UNC13C: variants seen among roughly 807,000 people sequenced by gnomAD.
UNC13C encodes unc-13 homolog C.
UNC13C carries 174 observed loss-of-function variants against 245.4 expected under a neutral mutation model. The observed-to-expected ratio is 0.71, with a 90% CI of 0.63 to 0.80. UNC13C has a LOEUF of 0.80. UNC13C is among the 30% of genes least tolerant of loss of function. The pLI, the probability that UNC13C is intolerant of heterozygous loss-of-function variation, is 0.00. For missense variants in UNC13C, 2,829 were observed against 2,602.9 expected, an observed-to-expected ratio of 1.09 and a Z score of -1.89; for synonymous variants, 992 against 895.1, an observed-to-expected ratio of 1.11 and a Z score of -1.93.
intron 19 of UNC13C, among the ~76,000 whole-genome samples, chr15:54,424,886 G>C (rs1439124632): frequency 1.3e-5 from 2 of 151,710 alleles, no homozygotes; most frequent in Non-Finnish European, 2.9e-5. Flanking sequence ...GCTGTGCTCT[G>C]CTCTGGTCAT....
chr15:54,488,503 G>GTGA (rs1893541002), intron 19 of UNC13C, among the ~76,000 whole-genome samples: 2 of 152,124 alleles, frequency 1.3e-5, no homozygotes, highest in African/African-American at 2.4e-5. Context: ...AAACAACACT[G>GTGA]TGATGATAGC....
intron 29 of UNC13C, among the ~76,000 whole-genome samples, chr15:54,562,049 C>T (rs1303542286): frequency 1.3e-5 from 2 of 151,884 alleles, no homozygotes; most frequent in African/African-American, 2.4e-5. Flanking sequence ...GGCTATTTTC[C>T]TAGTGCCATG....
chr15:54,243,639 T>C (rs557783312), intron 7 of UNC13C, among the ~76,000 whole-genome samples: 12 of 152,288 alleles, frequency 7.9e-5, no homozygotes, highest in African/African-American at 2.6e-4. Context: ...CCAGCATCTG[T>C]TGTTTTTTGA....
At chr15:54,009,429 T>C (rs1308884964) in intron 1 of UNC13C, among the ~76,000 whole-genome samples, 1 of 152,184 alleles carries the variant, frequency 6.6e-6, no homozygotes, top group African/African-American at 2.4e-5. Context: ...GCTCCAAAAA[T>C]TTACATGTAT....
chr15:53,885,464 C>G, the UNC13C span, among the ~76,000 whole-genome samples: 1 of 152,320 alleles, frequency 6.6e-6, no homozygotes, highest in African/African-American at 2.4e-5. Flanking sequence ...TCTCAACAGA[C>G]AGGCCTTACT....
chr15:53,972,839 A>T, the UNC13C span: 1 of 152,202 alleles, frequency 6.6e-6, no homozygotes, highest in Non-Finnish European at 1.5e-5. Context: ...AAACCCAATG[A>T]TCATTTATCA....
intron 2 of UNC13C, among the ~76,000 whole-genome samples, chr15:54,026,783 T>G (rs1566959508): frequency 6.6e-6 from 1 of 152,240 alleles, no homozygotes; most frequent in Non-Finnish European, 1.5e-5. Flanking sequence ...TATATATATT[T>G]ATTCTTTCAG....
chr15:53,889,457 G>T, the UNC13C span, among the ~76,000 whole-genome samples: 3 of 152,186 alleles, frequency 2.0e-5, no homozygotes, highest in African/African-American at 7.2e-5. Context: ...TTTGAGCTGA[G>T]ACAATGGGGT....
intron 7 of UNC13C, among the ~76,000 whole-genome samples, chr15:54,248,038 A>G (rs915314897): frequency 6.6e-6 from 1 of 152,136 alleles, no homozygotes; most frequent in East Asian, 1.9e-4. Flanking sequence ...TATATTAATC[A>G]TTTACTTAAT....
chr15:54,299,644 T>C (rs896857181), intron 12 of UNC13C, among the ~76,000 whole-genome samples: 1 of 152,164 alleles, frequency 6.6e-6, no homozygotes, highest in Non-Finnish European at 1.5e-5. Flanking sequence ...GGAAGGTACT[T>C]TATCACTTTG....
intron 30 of UNC13C, among the ~76,000 whole-genome samples, chr15:54,602,614 A>T (rs1899500249): frequency 6.6e-6 from 1 of 152,112 alleles, no homozygotes; most frequent in African/African-American, 2.4e-5. Context: ...AAGTATTTTA[A>T]CCTTTATTGT....
intron 2 of UNC13C, among the ~76,000 whole-genome samples, chr15:54,059,869 G>C (rs1195238620): frequency 6.6e-6 from 1 of 152,154 alleles, no homozygotes; most frequent in Non-Finnish European, 1.5e-5. Context: ...AATGGGGAAA[G>C]GATTCCCTAT....
rs567110035 is a variant in UNC13C at position 53,986,393 on chromosome 15, T to C, written c.-257+7466T>C. On this transcript the variant is annotated intron_variant, in intron 1 of 32. Coordinates refer to ENST00000260323, the MANE Select transcript of UNC13C (RefSeq NM_001080534.3). ...ACATTTCTCTTAAGATACTTGACAC[T>C]ATAAGCCTGGATGAATTTCTCTTAT... Among the ~76,000 whole-genome samples the C allele has an allele frequency of 2.8e-4, 42 of 152,184 alleles. 1 individual carries two copies. In the South Asian group the frequency reaches 8.5e-3, roughly 31 times the overall value.
the UNC13C span, among the ~76,000 whole-genome samples, chr15:53,867,024 G>A: frequency 6.6e-6 from 1 of 152,158 alleles, no homozygotes; most frequent in Non-Finnish European, 1.5e-5. Flanking sequence ...AAGGCCATTT[G>A]ATGAAGTTCA....
At chr15:54,389,097 C>CT (rs1283820803) in intron 17 of UNC13C, among the ~76,000 whole-genome samples, 1 of 152,136 alleles carries the variant, frequency 6.6e-6, no homozygotes, top group Non-Finnish European at 1.5e-5. Flanking sequence ...ACACACAAAA[C>CT]TTTTCATGAT....
rs927421893 is a variant in UNC13C at position 54,161,453 on chromosome 15, T to C, written c.3071+17769T>C. On this transcript the variant is annotated intron_variant, in intron 4 of 32. Coordinates refer to ENST00000260323, the MANE Select transcript of UNC13C (RefSeq NM_001080534.3). The stretch of plus-strand genomic sequence containing the variant: ...AGGCCAATGATTTTGTCTAGTGAAA[T>C]AGTAGCTGGCCAATTTAAATATTTA... Among the ~76,000 whole-genome samples the C allele has an allele frequency of 3.9e-5, 6 of 152,142 alleles. No homozygotes were observed. In the South Asian group the frequency reaches 1.2e-3, roughly 31 times the overall value.
intron 20 of UNC13C, 75 bp from the exon 21 acceptor site, chr15:54,500,004 A>G: frequency 8.8e-7 from 1 of 1,140,846 alleles, no homozygotes; most frequent in East Asian, 2.7e-5. Flanking sequence ...TCTCATATGC[A>G]AAAAGAGCAG....
the UNC13C span, among the ~76,000 whole-genome samples, chr15:53,909,124 C>A: frequency 6.8e-6 from 1 of 146,556 alleles, no homozygotes; most frequent in African/African-American, 2.4e-5. Context: ...ACTACCAAGA[C>A]CCACTTCCTG....
At chr15:54,153,617 G>A (rs974144137) in intron 4 of UNC13C, among the ~76,000 whole-genome samples, 2 of 151,944 alleles carry the variant, frequency 1.3e-5, no homozygotes, top group Non-Finnish European at 2.9e-5. Context: ...TTCTGGATCT[G>A]TTCTATTAAA....
Sources: gnomAD v4.1 joint callset for allele counts (sites outside exome capture counted in the v4.1 genomes callset) on GRCh38, gnomAD v4.1.1 for gene constraint, MANE v1.5 for transcripts, NCBI Gene and HGNC (gene_info 2026-07-23, HGNC 2026-07-21) for gene names.